NPR3: variants seen among roughly 807,000 people sequenced by gnomAD.
NPR3 encodes the protein atrial natriuretic peptide receptor 3.
NPR3 carries 34 observed loss-of-function variants against 54.5 expected under a neutral mutation model. The observed-to-expected ratio is 0.62, with a 90% CI of 0.47 to 0.83. NPR3 has a LOEUF of 0.83. NPR3 is among the 40% of genes least tolerant of loss of function. The pLI is 0.00. For synonymous variants in NPR3, 289 were observed against 297.1 expected, an observed-to-expected ratio of 0.97 and a Z score of 0.28; for missense variants, 674 against 720.8, an observed-to-expected ratio of 0.94 and a Z score of 0.74.
chr5:32,713,669 C>T (rs1055452100), intron 1 of NPR3, among the ~76,000 whole-genome samples: 5 of 152,226 alleles, frequency 3.3e-5, no homozygotes, highest in Non-Finnish European at 7.3e-5. Flanking sequence ...GGCTAGTCCA[C>T]AACTTGGCAT....
chr5:32,759,834 G>A (rs1741060209), intron 3 of NPR3, among the ~76,000 whole-genome samples: 2 of 152,148 alleles, frequency 1.3e-5, no homozygotes, highest in Non-Finnish European at 1.5e-5. Flanking sequence ...TTGCTTGTCT[G>A]TAAAGTATTT....
chr5:32,735,748 G>A (rs747843634), intron 2 of NPR3, among the ~76,000 whole-genome samples: 7 of 152,158 alleles, frequency 4.6e-5, no homozygotes, highest in African/African-American at 7.2e-5. Context: ...CTGATGGGGC[G>A]TCATGCCAAG....
At chr5:32,734,050 A>C (rs1739600953) in intron 2 of NPR3, among the ~76,000 whole-genome samples, 1 of 152,218 alleles carries the variant, frequency 6.6e-6, no homozygotes, top group South Asian at 2.1e-4. Context: ...TTGTTAGGAG[A>C]ATTAAAGAAA....
intron 2 of NPR3, among the ~76,000 whole-genome samples, chr5:32,736,686 A>T (rs1169749228): frequency 2.0e-5 from 3 of 152,208 alleles, no homozygotes; most frequent in Non-Finnish European, 4.4e-5. Context: ...TATCTTGGTG[A>T]TGGAGCATCC....
At chr5:32,767,276 A>G (rs998324658) in intron 3 of NPR3, among the ~76,000 whole-genome samples, 1 of 152,158 alleles carries the variant, frequency 6.6e-6, no homozygotes, top group Non-Finnish European at 1.5e-5. Flanking sequence ...AAACTTGCCC[A>G]CTCAACGTTT....
At chr5:32,728,841 A>G (rs1465052944) in intron 2 of NPR3, among the ~76,000 whole-genome samples, 72 of 104,326 alleles carry the variant, frequency 6.9e-4, no homozygotes, top group South Asian at 1.6e-3. Flanking sequence ...GTGTGTGTAT[A>G]TATATATATA....
chr5:32,747,912 C>A (rs540363367), intron 3 of NPR3, among the ~76,000 whole-genome samples: 2 of 151,952 alleles, frequency 1.3e-5, no homozygotes, highest in African/African-American at 2.4e-5. Context: ...TGCTTCCATG[C>A]CCAGCTTATT....
rs772129919 is a variant in NPR3, at chr5:32,712,063, G to T, written c.287G>T (p.Gly96Val). 2.5e-6 allele frequency: 4 copies of T among 1,613,874 alleles called. No homozygotes were observed. In the East Asian group the frequency reaches 6.7e-5, roughly 27 times the overall value. ...NGTGRRLLPP[G>V]TRFQVAYEDS... ...ACTGGGAGGCGGCTTCTGCCGCCGG[G>T]CACTCGCTTCCAGGTGGCTTACGAG... Residue 96 changes from glycine (G) to valine (V), a missense_variant, in exon 1 of 8, where the codon GGC (glycine) becomes GTC (valine). By Grantham distance (109) the Gly-to-Val change is moderately radical (BLOSUM62 -3). Coordinates refer to ENST00000265074, the MANE Select transcript of NPR3 (RefSeq NM_001204375.2).
chr5:32,745,605 G>A (rs1019395365), intron 3 of NPR3, among the ~76,000 whole-genome samples: 1 of 152,168 alleles, frequency 6.6e-6, no homozygotes, highest in Non-Finnish European at 1.5e-5. Flanking sequence ...CCATAAGGGG[G>A]CAAACCCATG....
upstream of NPR3, chr5:32,709,486 A>G (rs927488274): frequency 6.6e-6 from 1 of 150,856 alleles, no homozygotes; most frequent in African/African-American, 2.4e-5. Context: ...ATTGCTGTGG[A>G]GCACTAAATC....
chr5:32,731,356 G>A (rs1190196084), intron 2 of NPR3, among the ~76,000 whole-genome samples: 1 of 152,114 alleles, frequency 6.6e-6, no homozygotes, highest in Non-Finnish European at 1.5e-5. Flanking sequence ...CTGCCTGAGA[G>A]GCTCTGCCAT....
Position 32,788,492 on chromosome 5 carries a change from T to G in NPR3, c.*2147T>G, listed in dbSNP as rs1216077252. The G allele has an allele frequency of 1.3e-5, 2 of 152,246 alleles. No homozygotes were observed. Among genetic ancestry groups the G allele is most frequent in the East Asian group, 1.9e-4 (1 of 5,196 alleles). The allele number at this position is 152,246 out of a possible 1,614,324, so 9.4% of individuals were successfully genotyped here. A position where few individuals can be genotyped will look rare whatever the true frequency, so the allele number is the denominator to read the frequency against. ...TGATGTTTTCTTTATATTTTAGAGA[T>G]ATTCATTTTCTCTTATCTTGTGCTT... On this transcript the variant is annotated 3_prime_UTR_variant, in exon 8 of 8. Coordinates refer to ENST00000265074, the MANE Select transcript of NPR3 (RefSeq NM_001204375.2).
chr5:32,733,475 C>A (rs1454156797), intron 2 of NPR3, among the ~76,000 whole-genome samples: 1 of 152,126 alleles, frequency 6.6e-6, no homozygotes, highest in Non-Finnish European at 1.5e-5. Flanking sequence ...TAGGTGGTAA[C>A]TTATCTGGGC....
intron 6 of NPR3, among the ~76,000 whole-genome samples, chr5:32,784,391 G>A (rs1352009469): frequency 2.6e-5 from 4 of 152,148 alleles, no homozygotes; most frequent in African/African-American, 4.8e-5. Flanking sequence ...GTTTCACCAT[G>A]TTGACCAGGC....
rs1222022387 is a variant in NPR3 at position 32,738,143 on chromosome 5, T to G, written c.893-721T>G. Among the ~76,000 whole-genome samples the G allele has an allele frequency of 2.0e-5, 3 of 152,202 alleles. No individual in the cohort carries two copies. The East Asian group carries it at 5.8e-4, about 29-fold the overall frequency. ...TTTATTTTAATAGCACTAACTTTCT[T>G]TTTTTAAATTATACTTTAAGTTCTG... On this transcript the variant is annotated intron_variant, in intron 2 of 7. Coordinates refer to ENST00000265074, the MANE Select transcript of NPR3 (RefSeq NM_001204375.2).
chr5:32,714,000 G>T (rs1043465553), intron 1 of NPR3, among the ~76,000 whole-genome samples: 6 of 150,806 alleles, frequency 4.0e-5, no homozygotes, highest in Admixed American at 4.0e-4. Context: ...CGCCTGCCAC[G>T]CCTCGGCAAG....
At chr5:32,737,849 G>A (rs749024097) in intron 2 of NPR3, among the ~76,000 whole-genome samples, 1 of 152,096 alleles carries the variant, frequency 6.6e-6, no homozygotes, top group African/African-American at 2.4e-5. Flanking sequence ...GAGGCTCATA[G>A]TACCCATATC....
intron 1 of NPR3, 104 bp downstream of exon 1, chr5:32,712,649 C>T: frequency 8.5e-7 from 1 of 1,172,390 alleles, no homozygotes; most frequent in Admixed American, 2.5e-5. Flanking sequence ...CACTGCGGCG[C>T]TGAGGTCGGG....
chr5:32,732,247 CAAAAAAAAAAAAA>C (rs34564234), intron 2 of NPR3, among the ~76,000 whole-genome samples: 17 of 32,982 alleles, frequency 5.2e-4, no homozygotes, highest in Admixed American at 9.7e-4. Flanking sequence ...GACTCCGTCT[CAAAAAAAAAAAAA>C]AAAAAAAAAA....
Sources: allele counts gnomAD v4.1 joint callset (sites outside exome capture counted in the v4.1 genomes callset), GRCh38; gene constraint gnomAD v4.1.1; transcripts MANE v1.5; gene names NCBI Gene and HGNC (gene_info 2026-07-23, HGNC 2026-07-21).